The following GALNT17 variants were observed in gnomAD, a reference collection of about 807,000 sequenced individuals.
The protein encoded by GALNT17 is UDP-GalNAc:polypeptide N-acetylgalactosaminyltransferase-like 3.
Under a neutral mutation model 63.7 loss-of-function variants are expected in GALNT17, and 29 were observed. The observed-to-expected ratio is 0.46, with a 90% CI of 0.34 to 0.62. The LOEUF (loss-of-function observed/expected upper bound fraction) is 0.62. Ranked by LOEUF, GALNT17 falls within the 20% of genes least tolerant of loss-of-function variation. The pLI, the probability that GALNT17 is intolerant of heterozygous loss-of-function variation, is 0.01. For synonymous variants in GALNT17, 305 were observed against 318.3 expected, an observed-to-expected ratio of 0.96 and a Z score of 0.45; for missense variants, 603 against 799.6, an observed-to-expected ratio of 0.75 and a Z score of 2.97.
At position 71,419,145 on chromosome 7, in the gene GALNT17, C is replaced by T. The variant is rs114156629; in HGVS notation, c.765-1763C>T. ...CTGCCTCCATACTCAGTGACTCTTT[C>T]GCTGCTGATAGATGGGCTGAACTGA... On this transcript the variant is annotated intron_variant, in intron 4 of 10. Transcript: ENST00000333538. Among the ~76,000 whole-genome samples, 253 of 152,270 alleles carry T rather than the reference C, an allele frequency of 1.7e-3. 3 individuals are homozygous for T. The highest frequency in any genetic ancestry group is 5.9e-3 in the African/African-American group (244 of 41,554).
intron 6 of GALNT17, among the ~76,000 whole-genome samples, chr7:71,581,894 G>T (rs1459091650): frequency 6.6e-6 from 1 of 152,124 alleles, no homozygotes; most frequent in African/African-American, 2.4e-5. Context: ...GCAGAGGGGT[G>T]CCAGGACAAG....
At position 71,680,934 on chromosome 7, in the gene GALNT17, G is replaced by A. The variant is rs899943538; in HGVS notation, c.1500+3628G>A. Among the ~76,000 whole-genome samples the A allele has an allele frequency of 1.5e-4, 22 of 146,662 alleles. No homozygotes were observed. The East Asian group carries it at 4.3e-3, about 29-fold the overall frequency. ...TTTTTTTAAGAGATAGGGTCTTGCTGTGTTACCCAGGCTGGAGTGCAATGG... is the reference window on the plus strand; with the variant it reads ...TTTTTTTAAGAGATAGGGTCTTGCTATGTTACCCAGGCTGGAGTGCAATGG... On this transcript the variant is annotated intron_variant, in intron 9 of 10. Coordinates refer to ENST00000333538, the MANE Select transcript of GALNT17 (RefSeq NM_022479.3).
chr7:71,273,620 C>G (rs925888772), intron 1 of GALNT17, among the ~76,000 whole-genome samples: 4 of 152,182 alleles, frequency 2.6e-5, no homozygotes, highest in African/African-American at 4.8e-5. Context: ...ATAGACATCA[C>G]AAGGTTATTT....
intron 1 of GALNT17, among the ~76,000 whole-genome samples, chr7:71,286,430 C>T (rs1021077166): frequency 1.3e-5 from 2 of 152,130 alleles, no homozygotes; most frequent in Admixed American, 6.5e-5. Flanking sequence ...AGTGGTTTGC[C>T]GTTTGCAAGA....
intron 6 of GALNT17, among the ~76,000 whole-genome samples, chr7:71,653,421 T>G (rs1790781891): frequency 6.6e-6 from 1 of 152,128 alleles, no homozygotes; most frequent in African/African-American, 2.4e-5. Context: ...GACTTTTTTT[T>G]TTTTTAAGAC....
intron 1 of GALNT17, among the ~76,000 whole-genome samples, chr7:71,257,717 A>T (rs565262886): frequency 6.6e-6 from 1 of 152,156 alleles, no homozygotes; most frequent in Non-Finnish European, 1.5e-5. Context: ...GATGCTGGAG[A>T]TGGATCTGCT....
chr7:71,155,071 C>G (rs1788209375), intron 1 of GALNT17, among the ~76,000 whole-genome samples: 1 of 151,704 alleles, frequency 6.6e-6, no homozygotes, highest in African/African-American at 2.4e-5. Context: ...ATTCAAGTTT[C>G]TGACAGTTGT....
intron 5 of GALNT17, among the ~76,000 whole-genome samples, chr7:71,544,129 T>TC (rs1290934235): frequency 8.9e-5 from 1 of 11,204 alleles, no homozygotes; most frequent in Non-Finnish European, 2.5e-4. Context: ...TTTTTCTTTT[T>TC]TTTTTTTTTT....
intron 1 of GALNT17, among the ~76,000 whole-genome samples, chr7:71,278,463 A>G (rs574593341): frequency 6.6e-6 from 1 of 152,298 alleles, no homozygotes; most frequent in Non-Finnish European, 1.5e-5. Flanking sequence ...TGGCAGGTAC[A>G]TTTGGCTTGT....
intron 1 of GALNT17, among the ~76,000 whole-genome samples, chr7:71,254,914 T>A (rs532173432): frequency 4.3e-4 from 66 of 152,244 alleles, no homozygotes; most frequent in Middle Eastern, 3.2e-3. Context: ...ATTCTGGGTC[T>A]AGTTTAAAAC....
At position 71,624,871 on chromosome 7, in the gene GALNT17, G is replaced by A. The variant is rs186520941; in HGVS notation, c.1081-40540G>A. Among the ~76,000 whole-genome samples, 4 of 152,270 alleles carry A rather than the reference G, an allele frequency of 2.6e-5. No homozygotes were observed. The East Asian group carries it at 7.7e-4, about 29-fold the overall frequency. ...CTCTTGAGGTCCTGGTAGACAGCAGGTGGATGCTTGTTTCTGCTTCATACA... is the reference window on the plus strand; with the variant it reads ...CTCTTGAGGTCCTGGTAGACAGCAGATGGATGCTTGTTTCTGCTTCATACA... On this transcript the variant is annotated intron_variant, in intron 6 of 10. Coordinates refer to ENST00000333538, the MANE Select transcript of GALNT17 (RefSeq NM_022479.3).
At chr7:71,214,868 G>T (rs918449361) in intron 1 of GALNT17, among the ~76,000 whole-genome samples, 12 of 152,092 alleles carry the variant, frequency 7.9e-5, no homozygotes, top group African/African-American at 2.7e-4. Flanking sequence ...GTGAGCCACC[G>T]CACCTGGCCT....
chr7:71,363,102 G>T (rs1450099730), intron 2 of GALNT17, among the ~76,000 whole-genome samples: 1 of 152,042 alleles, frequency 6.6e-6, no homozygotes, highest in Admixed American at 6.5e-5. Flanking sequence ...GAGTAGCTGG[G>T]ATTGCAGGCA....
intron 1 of GALNT17, among the ~76,000 whole-genome samples, chr7:71,291,980 T>C (rs541448480): frequency 6.6e-6 from 1 of 152,346 alleles, no homozygotes; most frequent in South Asian, 2.1e-4. Context: ...CATTTATTTT[T>C]CATGGTTTAA....
chr7:71,146,934 C>T (rs969211557), intron 1 of GALNT17, among the ~76,000 whole-genome samples: 2 of 152,124 alleles, frequency 1.3e-5, no homozygotes, highest in Non-Finnish European at 2.9e-5. Flanking sequence ...ATCCTAGCCT[C>T]GGACACAAGG....
At chr7:71,582,850 A>G (rs972065030) in intron 6 of GALNT17, among the ~76,000 whole-genome samples, 2 of 152,104 alleles carry the variant, frequency 1.3e-5, no homozygotes, top group Non-Finnish European at 2.9e-5. Context: ...AAAAAAGACT[A>G]CAAATAGGGT....
chr7:71,695,452 G>T (rs77001195), intron 9 of GALNT17, among the ~76,000 whole-genome samples: 1 of 152,158 alleles, frequency 6.6e-6, no homozygotes, highest in Non-Finnish European at 1.5e-5. Context: ...CCAGGAGCTG[G>T]CCCTCTCTGC....
chr7:71,238,801 C>T (rs1789941673), intron 1 of GALNT17, among the ~76,000 whole-genome samples: 1 of 152,186 alleles, frequency 6.6e-6, no homozygotes, highest in Admixed American at 6.5e-5. Flanking sequence ...GACCTATTGA[C>T]TCATTCTAAT....
At chr7:71,366,870 A>G (rs1034012272) in intron 2 of GALNT17, among the ~76,000 whole-genome samples, 2 of 152,138 alleles carry the variant, frequency 1.3e-5, no homozygotes, top group African/African-American at 4.8e-5. Flanking sequence ...CTAAAAAAAT[A>G]TTTCTTTATA....
Sources: allele counts gnomAD v4.1 joint callset (sites outside exome capture counted in the v4.1 genomes callset), GRCh38; gene constraint gnomAD v4.1.1; transcripts MANE v1.5; gene names NCBI Gene and HGNC (gene_info 2026-07-23, HGNC 2026-07-21).